Variants in OGDH observed in about 807,000 individuals in gnomAD.
OGDH encodes the protein 2-oxoglutarate dehydrogenase complex component E1.
Under a neutral mutation model 116.6 loss-of-function variants are expected in OGDH, and 38 were observed. The observed-to-expected ratio is 0.33, with a 90% CI of 0.25 to 0.43. The LOEUF is 0.43. Ranked by LOEUF, OGDH falls within the 20% of genes least tolerant of loss-of-function variation. The probability of loss-of-function intolerance (pLI) is 1.00; values close to 1 mark genes in which losing one functional copy is unlikely to be tolerated. For synonymous variants in OGDH, 488 were observed against 533.3 expected (o/e 0.92, Z 1.17); for missense variants, 825 against 1,357.2 (o/e 0.61, Z 6.16).
chr7:44,669,117 G>A (rs1379528060), intron 5 of OGDH, among the ~76,000 whole-genome samples: 1 of 148,498 alleles, frequency 6.7e-6, no homozygotes, highest in Non-Finnish European at 1.5e-5. Flanking sequence ...TTTTACCTCA[G>A]AGGAGTCCCC....
chr7:44,637,329 T>A (rs191797586), intron 2 of OGDH, among the ~76,000 whole-genome samples: 7 of 152,350 alleles, frequency 4.6e-5, no homozygotes, highest in African/African-American at 1.2e-4. Context: ...ATCCCACTTG[T>A]CTTACTCTTC....
chr7:44,680,981 A>C (rs1235618520), intron 9 of OGDH, among the ~76,000 whole-genome samples: 1 of 152,204 alleles, frequency 6.6e-6, no homozygotes, highest in Admixed American at 6.5e-5. Flanking sequence ...CGAGTAAATA[A>C]ACAAGGGAGA....
At chr7:44,665,164 A>G (rs1208706750) in intron 4 of OGDH, among the ~76,000 whole-genome samples, 2 of 152,172 alleles carry the variant, frequency 1.3e-5, no homozygotes, top group East Asian at 3.9e-4. Context: ...CATAAATGGC[A>G]AGAGCCACGT....
intron 10 of OGDH, among the ~76,000 whole-genome samples, chr7:44,683,160 GTAAA>G (rs1041706589): frequency 1.3e-5 from 2 of 151,770 alleles, no homozygotes; most frequent in African/African-American, 2.4e-5. Context: ...AAATAAATAA[GTAAA>G]TAAATAAATA....
At chr7:44,696,264 C>T (rs1788575576) in intron 13 of OGDH, 137 bp downstream of exon 13, 1 of 1,037,550 alleles carries the variant, frequency 9.6e-7, no homozygotes, top group African/African-American at 1.6e-5. Flanking sequence ...AGCAAAGCCC[C>T]CTGCAGACCC....
intron 5 of OGDH, 103 bp from the exon 6 acceptor site, chr7:44,673,684 C>T: frequency 1.7e-6 from 2 of 1,152,900 alleles, no homozygotes; most frequent in East Asian, 4.7e-5. Context: ...CAGAACAAGC[C>T]TCCTGCTTAT....
chr7:44,611,510 C>T lies in OGDH; in HGVS notation c.-28+4857C>T, dbSNP rs371910745. 5.9e-4 allele frequency among the ~76,000 whole-genome samples: 89 copies of T among 151,972 alleles called. 1 individual carries two copies. The East Asian group carries it at 0.012, about 21-fold the overall frequency. ...CAGGATGGTCTCGATCTCCTGACCT[C>T]GTGATCCCCCCCGCCTCGGCCTCCC... On this transcript the variant is annotated intron_variant, in intron 1 of 22. Coordinates refer to ENST00000222673, the MANE Select transcript of OGDH (RefSeq NM_002541.4).
Position 44,645,505 on chromosome 7 carries a change from T to C in OGDH, c.401T>C (p.Ile134Thr). 2 of 1,614,122 alleles carry C rather than the reference T, an allele frequency of 1.2e-6. No homozygotes were observed. Among genetic ancestry groups the C allele is most frequent in the East Asian group, 2.2e-5 (1 of 44,874 alleles). ...GACCACCTGGCAGTGCAGTCGCTCA[T>C]CAGGGCATATCAGGTAAGGCGGGTG... The part of the protein sequence containing the change: ...VEDHLAVQSL[I>T]RAYQIRGHHV... The change falls in exon 3 of 23, where the codon ATC becomes ACC. Residue 134 changes from isoleucine to threonine, a missense_variant. Physicochemically the swap from Ile to Thr is moderately conservative, Grantham distance 89 (BLOSUM62 -1). Transcript: ENST00000222673.
rs1788626901 is a variant in OGDH at position 44,697,240 on chromosome 7, G to A, written c.2052-130G>A. On this transcript the variant is annotated intron_variant, in intron 15 of 22. Transcript: ENST00000222673. This position sits in a 1 kb window ranked among gnomAD's most constrained non-coding sequence, Gnocchi z 6.0. ...CTTCTGTTAAGACCTGGGTGGGGCC[G>A]ACCCTGCAGCTGCCTGGCCAGAAGT... 9 of 1,472,794 alleles carry A rather than the reference G, an allele frequency of 6.1e-6. 1 individual carries two copies. Among genetic ancestry groups the A allele is most frequent in the South Asian group, 2.5e-5 (2 of 78,684 alleles). The allele number at this position is 1,472,794 out of a possible 1,614,324, so 91.2% of individuals were successfully genotyped here. A position where few individuals can be genotyped will look rare whatever the true frequency, so the allele number is the denominator to read the frequency against.
At chr7:44,699,179 A>T (rs1241734641) in intron 18 of OGDH, among the ~76,000 whole-genome samples, 1 of 149,342 alleles carries the variant, frequency 6.7e-6, no homozygotes, top group Non-Finnish European at 1.5e-5. Flanking sequence ...CTGTAAGCTC[A>T]ACACTTTGGA....
intron 2 of OGDH, among the ~76,000 whole-genome samples, chr7:44,626,354 CA>C (rs1409032603): frequency 4.0e-5 from 6 of 151,882 alleles, no homozygotes; most frequent in Middle Eastern, 6.8e-3. Context: ...CACACACACA[CA>C]CACACCCCTA....
At chr7:44,671,546 G>C (rs552269002) in intron 5 of OGDH, among the ~76,000 whole-genome samples, 1 of 151,612 alleles carries the variant, frequency 6.6e-6, no homozygotes, top group East Asian at 1.9e-4. Context: ...GGCGGATCAC[G>C]AGGTCAGGAG....
At chr7:44,663,952 A>T (rs982389824) in intron 4 of OGDH, among the ~76,000 whole-genome samples, 2 of 152,078 alleles carry the variant, frequency 1.3e-5, no homozygotes, top group South Asian at 2.1e-4. Context: ...AAAAAAAAAA[A>T]GAAAAAAGAA....
chr7:44,676,612 G>GTATATATATATATATATATATATATATA (rs1289242794), intron 9 of OGDH: 1 of 111,438 alleles, frequency 9.0e-6, no homozygotes, highest in Non-Finnish European at 1.3e-5. Context: ...GTGTGTGTGT[G>GTATATATATATATATATATATATATATA]TGTATATATA....
At position 44,631,201 on chromosome 7, in the gene OGDH, C is replaced by A. The variant is rs1268513418; in HGVS notation, c.222+6636C>A. Among the ~76,000 whole-genome samples, 3 of 152,290 alleles carry A rather than the reference C, an allele frequency of 2.0e-5. No individual in the cohort carries two copies. The South Asian group carries it at 6.2e-4, about 32-fold the overall frequency. ...TTTGGTTGAATCCATGGATGCAGAA[C>A]CCACAGATACGGAGGGCTGACTGTA... is the stretch of plus-strand genomic sequence containing the variant. On this transcript the variant is annotated intron_variant, in intron 2 of 22. Coordinates refer to ENST00000222673, the MANE Select transcript of OGDH (RefSeq NM_002541.4).
At chr7:44,674,798 C>T (rs1787616572) in intron 7 of OGDH, 2 of 565,926 alleles carry the variant, frequency 3.5e-6, no homozygotes, top group African/African-American at 3.7e-5. Context: ...GGCATTTGGC[C>T]TTACAGTGCA....
intron 19 of OGDH, among the ~76,000 whole-genome samples, chr7:44,700,555 G>A (rs943351844): frequency 4.6e-5 from 7 of 152,220 alleles, no homozygotes; most frequent in East Asian, 3.8e-4. Flanking sequence ...TGGGGAGGAC[G>A]GATGTTTGAA....
intron 2 of OGDH, among the ~76,000 whole-genome samples, chr7:44,633,781 G>T (rs562702614): frequency 6.6e-6 from 1 of 152,150 alleles, no homozygotes; most frequent in Non-Finnish European, 1.5e-5. Context: ...TCAACCAGAC[G>T]ACCACAGGTG....
chr7:44,681,797 C>A lies in OGDH; in HGVS notation c.1284C>A (p.Asp428Glu). 6.2e-7 allele frequency: 1 copy of A among 1,614,146 alleles called. No homozygotes were observed. The highest frequency in any genetic ancestry group is 1.3e-5 in the African/African-American group (1 of 75,032). ...TGTACGAGACCTTCCACCTCAGCGA[C>A]CTGCCATCCTACACAACTCATGGCA... ...GIVYETFHLSDLPSYTTHGTV... is the reference protein window; with the variant it reads ...GIVYETFHLSELPSYTTHGTV... Residue 428 changes from aspartate to glutamate, a missense_variant, in exon 10 of 23, where the codon GAC becomes GAA. Asp to Glu is a conservative substitution (Grantham distance 45, BLOSUM62 2). Coordinates refer to ENST00000222673, the MANE Select transcript of OGDH (RefSeq NM_002541.4).
Sources: allele counts gnomAD v4.1 joint callset (sites outside exome capture counted in the v4.1 genomes callset), GRCh38; gene constraint gnomAD v4.1.1; non-coding constraint Gnocchi (gnomAD v3.1); transcripts MANE v1.5; gene names NCBI Gene and HGNC (gene_info 2026-07-23, HGNC 2026-07-21).